Variants in API5 observed in about 807,000 individuals in gnomAD.
The protein encoded by API5 is FIF.
In API5, 6 loss-of-function variants were observed where a neutral mutation model predicts 71.9. The observed-to-expected ratio is 0.08, with a 90% CI of 0.05 to 0.16. The LOEUF is 0.16. Among genes scored for constraint, API5 ranks in the 10% least tolerant of loss-of-function variants. The pLI is 1.00. For synonymous variants in API5, 189 were observed against 221.3 expected, an observed-to-expected ratio of 0.85 and a Z score of 1.30; for missense variants, 332 against 612.8, an observed-to-expected ratio of 0.54 and a Z score of 4.84.
rs1855656407 is a variant in API5 at position 43,342,575 on chromosome 11, G to A, written c.*65G>A. 1.1e-5 allele frequency: 16 copies of A among 1,509,120 alleles called. No individual in the cohort carries two copies. Among genetic ancestry groups the A allele is most frequent in the Non-Finnish European group, 1.5e-5 (16 of 1,090,858 alleles). The allele number at this position is 1,509,120 out of a possible 1,614,324, so 93.5% of individuals were successfully genotyped here. On this transcript the variant is annotated 3_prime_UTR_variant, in exon 14 of 14. Transcript: ENST00000531273. ...TATACTTAAATTCTACTACTCATTG[G>A]ATTGCCGGGGATGTCCCTTTAAACA...
At chr11:43,333,170 T>G (rs898466037) in intron 11 of API5, among the ~76,000 whole-genome samples, 3 of 152,150 alleles carry the variant, frequency 2.0e-5, no homozygotes, top group African/African-American at 4.8e-5. Flanking sequence ...AGTGGATTGG[T>G]TGAAGGACCC....
chr11:43,317,430 A>C (rs1251593149), intron 1 of API5, among the ~76,000 whole-genome samples: 1 of 152,084 alleles, frequency 6.6e-6, no homozygotes, highest in Non-Finnish European at 1.5e-5. Flanking sequence ...TTCCAATAAA[A>C]GGTTTAAACA....
In API5 at chr11:43,325,519, A is replaced by G. The variant is rs376052505; in HGVS notation, c.751-988A>G. ...ATTAATAGCAGAAACAATAGCCAAC[A>G]TCATCGATATCTCAGTTGGTTCAGC... On this transcript the variant is annotated intron_variant, in intron 6 of 13. Coordinates refer to ENST00000531273, the MANE Select transcript of API5 (RefSeq NM_001142930.2). 4.6e-5 allele frequency among the ~76,000 whole-genome samples: 7 copies of G among 152,220 alleles called. No individual in the cohort carries two copies. The East Asian group carries it at 1.3e-3, about 29-fold the overall frequency.
At chr11:43,326,834 A>G (rs1201116994) in intron 7 of API5, among the ~76,000 whole-genome samples, 7 of 152,242 alleles carry the variant, frequency 4.6e-5, no homozygotes, top group African/African-American at 2.4e-5. Flanking sequence ...TATTATAGTC[A>G]GTCTCTACTT....
rs746959048 is a variant in API5, at chr11:43,321,381, T to C, written c.326-30T>C. On this transcript the variant is annotated intron_variant, in intron 3 of 13. Coordinates refer to ENST00000531273, the MANE Select transcript of API5 (RefSeq NM_001142930.2). ...CAGATGATATTTTAAATTTGTTTTA[T>C]ATTCATTATGCCACTTTTTCTTTAT... is the stretch of plus-strand genomic sequence containing the variant. 15 of 1,561,890 alleles carry C rather than the reference T, an allele frequency of 9.6e-6. No individual in the cohort carries two copies. In the Admixed American group the frequency reaches 2.1e-4, roughly 22 times the overall value.
intron 10 of API5, 115 bp downstream of exon 10, chr11:43,330,173 A>G: frequency 1.3e-6 from 1 of 790,932 alleles, no homozygotes; most frequent in Non-Finnish European, 2.0e-6. Flanking sequence ...TCTTCATCCC[A>G]GTCCTAATGA....
chr11:43,325,571 A>C (rs1271599785), intron 6 of API5, among the ~76,000 whole-genome samples: 1 of 152,232 alleles, frequency 6.6e-6, no homozygotes, highest in African/African-American at 2.4e-5. Flanking sequence ...GAAAAATTGA[A>C]GTTTAACAAA....
At chr11:43,321,028 T>C (rs550457665) in intron 3 of API5, 114 bp downstream of exon 3, 7 of 778,406 alleles carry the variant, frequency 9.0e-6, no homozygotes, top group African/African-American at 5.3e-5. Flanking sequence ...CTACCTCTGA[T>C]AGAGATTAAA....
At chr11:43,319,221 T>C (rs1034806512) in intron 2 of API5, among the ~76,000 whole-genome samples, 2 of 152,226 alleles carry the variant, frequency 1.3e-5, no homozygotes, top group African/African-American at 4.8e-5. Context: ...AAATGGTATG[T>C]GTAATAAGTG....
chr11:43,328,632 G>A, intron 8 of API5, 80 bp from the exon 9 acceptor site: 5 of 1,270,962 alleles, frequency 3.9e-6, no homozygotes, highest in Non-Finnish European at 5.5e-6. Flanking sequence ...TTAAAAACAT[G>A]CACTGTAATT....
At chr11:43,325,354 A>G (rs7126045) in intron 6 of API5, among the ~76,000 whole-genome samples, 21,798 of 152,210 alleles carry the variant, frequency 0.14, 3,933 homozygotes, top group African/African-American at 0.43. Flanking sequence ...TATGGAGACA[A>G]TGTCCCCAAA....
chr11:43,342,409 C>T lies in API5; in HGVS notation c.1493-19C>T. 6.3e-7 allele frequency: 1 copy of T among 1,578,134 alleles called. No individual in the cohort carries two copies. Among genetic ancestry groups the T allele is most frequent in the Non-Finnish European group, 8.6e-7 (1 of 1,163,010 alleles). ...TGAAATCCTAAGCAAGACCTAAACCCTTGTTCGCTTTTTCGTAGAGCAGAG... is the reference window on the plus strand; with the variant it reads ...TGAAATCCTAAGCAAGACCTAAACCTTTGTTCGCTTTTTCGTAGAGCAGAG... On this transcript the variant is annotated intron_variant, in intron 13 of 13. Coordinates refer to ENST00000531273, the MANE Select transcript of API5 (RefSeq NM_001142930.2).
intron 13 of API5, 40 bp from the exon 14 acceptor site, chr11:43,342,388 A>C: frequency 6.5e-7 from 1 of 1,531,668 alleles, no homozygotes; most frequent in South Asian, 1.3e-5. Flanking sequence ...GCACCATGAA[A>C]TCCTAAGCAA....
At chr11:43,314,876 A>G (rs1418401499) in intron 1 of API5, among the ~76,000 whole-genome samples, 1 of 152,230 alleles carries the variant, frequency 6.6e-6, no homozygotes, top group Admixed American at 6.5e-5. Flanking sequence ...AATTTTAACT[A>G]ACAAAGGCAA....
At chr11:43,326,662 C>T in intron 7 of API5, 51 bp downstream of exon 7, 2 of 1,051,750 alleles carry the variant, frequency 1.9e-6, no homozygotes, top group Non-Finnish European at 1.5e-6. Context: ...TATATTTTAA[C>T]AAAAATGTAA....
intron 10 of API5, 64 bp downstream of exon 10, chr11:43,330,122 T>G: frequency 1.5e-6 from 2 of 1,332,228 alleles, no homozygotes; most frequent in Non-Finnish European, 2.1e-6. Flanking sequence ...AGACTTGTGT[T>G]GGGAGTTTTT....
chr11:43,321,631 T>C (rs755844541), intron 4 of API5, among the ~76,000 whole-genome samples, 155 bp downstream of exon 4: 3 of 152,212 alleles, frequency 2.0e-5, no homozygotes, highest in African/African-American at 4.8e-5. Flanking sequence ...TCAAGATGTT[T>C]ATGACTAGAA....
chr11:43,338,701 C>G (rs1855517495), intron 13 of API5, among the ~76,000 whole-genome samples: 1 of 143,778 alleles, frequency 7.0e-6, no homozygotes, highest in Admixed American at 7.0e-5. Context: ...ATAACTACGT[C>G]AAATAGTACC....
chr11:43,329,821 A>T, intron 9 of API5, 144 bp from the exon 10 acceptor site: 1 of 646,390 alleles, frequency 1.5e-6, no homozygotes, highest in Non-Finnish European at 2.7e-6. Flanking sequence ...TTAATCAGAA[A>T]CAAGCAACTT....
Sources: allele counts gnomAD v4.1 joint callset (sites outside exome capture counted in the v4.1 genomes callset), GRCh38; gene constraint gnomAD v4.1.1; transcripts MANE v1.5; gene names NCBI Gene and HGNC (gene_info 2026-07-23, HGNC 2026-07-21).